The following CLDN2 variants were observed in gnomAD, a reference collection of about 807,000 sequenced individuals.
The protein encoded by CLDN2 is claudin-2.
A neutral mutation model predicts 8.2 loss-of-function variants in CLDN2; 1 was observed. That is an observed-to-expected ratio of 0.12 (90% CI 0.04 to 0.58). CLDN2 has a LOEUF of 0.58. Among genes scored for constraint, CLDN2 ranks in the 20% least tolerant of loss-of-function variants. The pLI, the probability that CLDN2 is intolerant of heterozygous loss-of-function variation, is 0.90. For synonymous variants in CLDN2, 70 were observed against 70.2 expected, an observed-to-expected ratio of 1.00 and a Z score of 0.01; for missense variants, 108 against 172.9, an observed-to-expected ratio of 0.62 and a Z score of 2.11.
chrX:106,921,406 G>T (rs1167878266), intron 1 of CLDN2, among the ~76,000 whole-genome samples: 1 of 112,157 alleles, frequency 8.9e-6, no homozygotes, highest in Admixed American at 9.5e-5. Context: ...GCCCTTGGCA[G>T]CTGGAAGTGA....
At chrX:106,919,687 T>C (rs767599234), upstream of CLDN2, among the ~76,000 whole-genome samples, 60 of 112,311 alleles carry the variant, frequency 5.3e-4, no homozygotes, top group Non-Finnish European at 7.7e-4. Flanking sequence ...TTTAACCGCG[T>C]TGGCCAGGCT....
rs1933539561 is a variant in CLDN2 at position 106,930,596 on chromosome X, T to C, written c.*1675T>C. 8.1e-6 allele frequency: 1 copy of C among 122,748 alleles called. No homozygotes were observed. The highest frequency in any genetic ancestry group is 9.5e-5 in the Admixed American group (1 of 10,530). The allele number at this position is 122,748 out of a possible 1,213,427, so 10.1% of individuals were successfully genotyped here. A position where few individuals can be genotyped will look rare whatever the true frequency, so the allele number is the denominator to read the frequency against. ...TCAGGCTTGGAGAACTTCCTCAGCG[T>C]CACCTCCTTCATTGAGCCTTCTCTG... On this transcript the variant is annotated 3_prime_UTR_variant, in exon 2 of 2. Coordinates refer to ENST00000336803, the MANE Select transcript of CLDN2 (RefSeq NM_020384.4).
At chrX:106,912,613 G>A (rs181256997) in intron 1 of CLDN2, among the ~76,000 whole-genome samples, 2 of 109,353 alleles carry the variant, frequency 1.8e-5, no homozygotes, top group East Asian at 5.8e-4. Flanking sequence ...ACACAGTGTC[G>A]CTATGTTGCC....
intron 1 of CLDN2, among the ~76,000 whole-genome samples, chrX:106,903,801 G>A (rs944639876): frequency 1.8e-5 from 2 of 112,310 alleles, no homozygotes; most frequent in African/African-American, 6.5e-5. Flanking sequence ...TTTGCCAGGT[G>A]GACCTGAATG....
chrX:106,928,240 T>C lies in CLDN2; in HGVS notation c.12T>C (p.Leu4=). The C allele has an allele frequency of 8.3e-7, 1 of 1,209,914 alleles. No individual in the cohort carries two copies. The highest frequency in any genetic ancestry group is 1.8e-5 in the South Asian group (1 of 56,625). ...CTGAGAGGTCTGCCATGGCCTCTCTTGGCCTCCAACTTGTGGGCTACATCC... is the reference window on the plus strand; with the variant it reads ...CTGAGAGGTCTGCCATGGCCTCTCTCGGCCTCCAACTTGTGGGCTACATCC... MAS[L]GLQLVGYILG... The change falls in exon 2 of 2, where the codon CTT becomes CTC. Residue 4 remains leucine, a synonymous_variant. Coordinates refer to ENST00000336803, the MANE Select transcript of CLDN2 (RefSeq NM_020384.4).
At chrX:106,907,763 G>A (rs1424635109) in intron 1 of CLDN2, among the ~76,000 whole-genome samples, 8 of 109,199 alleles carry the variant, frequency 7.3e-5, no homozygotes, top group African/African-American at 9.9e-5. Flanking sequence ...ACTCTCCTTC[G>A]TTCTGAGATT....
At chrX:106,903,275 C>G (rs1433345623) in intron 1 of CLDN2, 1 of 1,203,032 alleles carries the variant, frequency 8.3e-7, no homozygotes, top group Admixed American at 2.2e-5. Flanking sequence ...GCAGCACAGG[C>G]AGCAGAGTCC....
At chrX:106,916,711 A>G (rs1933315568), upstream of CLDN2, among the ~76,000 whole-genome samples, 1 of 111,367 alleles carries the variant, frequency 9.0e-6, no homozygotes, top group Admixed American at 9.5e-5. Flanking sequence ...TCAAAGGGAG[A>G]AGACTGAAGG....
intron 1 of CLDN2, chrX:106,902,282 A>G: frequency 5.3e-6 from 5 of 945,181 alleles, no homozygotes; most frequent in Non-Finnish European, 7.4e-6. Context: ...TGAGATAACA[A>G]GAGACCTCCC....
intron 1 of CLDN2, among the ~76,000 whole-genome samples, chrX:106,921,969 T>G (rs769400047): frequency 5.7e-4 from 64 of 112,490 alleles, no homozygotes; most frequent in African/African-American, 2.0e-3. Context: ...GTCTTCTATA[T>G]TTGTCAAAGT....
upstream of CLDN2, chrX:106,918,291 G>C (rs745684051): frequency 8.9e-6 from 1 of 112,029 alleles, no homozygotes; most frequent in South Asian, 3.8e-4. Context: ...TAGAGGATTA[G>C]CCTGGTATCC....
chrX:106,909,939 A>T (rs1933227149), intron 1 of CLDN2, among the ~76,000 whole-genome samples: 1 of 111,020 alleles, frequency 9.0e-6, no homozygotes, highest in Non-Finnish European at 1.9e-5. Context: ...AAGCCTAGAA[A>T]AACAAAGCTC....
At chrX:106,903,032 C>A in intron 1 of CLDN2, 1 of 932,622 alleles carries the variant, frequency 1.1e-6, no homozygotes, top group African/African-American at 1.9e-5. Flanking sequence ...TTGCTTTTCC[C>A]CTTCACAGAG....
chrX:106,913,503 G>T (rs1414935608), upstream of CLDN2, among the ~76,000 whole-genome samples: 1 of 112,476 alleles, frequency 8.9e-6, no homozygotes, highest in Non-Finnish European at 1.9e-5. Flanking sequence ...TGAAGTTTAG[G>T]TGTAGTTATC....
chrX:106,900,583 GCTAA>G, intron 1 of CLDN2: 2 of 920,466 alleles, frequency 2.2e-6, no homozygotes, highest in Non-Finnish European at 2.9e-6. Flanking sequence ...AATACTTCCG[GCTAA>G]CTGATGTCTG....
At chrX:106,903,510 T>A (rs892545548) in intron 1 of CLDN2, among the ~76,000 whole-genome samples, 6 of 111,611 alleles carry the variant, frequency 5.4e-5, no homozygotes, top group African/African-American at 2.0e-4. Context: ...TGAATAAACA[T>A]GGTGTCAGTG....
At chrX:106,920,684 A>G (rs1388094743) in intron 1 of CLDN2, 133 bp downstream of exon 1, 1 of 111,841 alleles carries the variant, frequency 8.9e-6, no homozygotes, top group East Asian at 2.8e-4. Context: ...AGTGAAGGGT[A>G]TGGGAGGGGA....
At chrX:106,903,930 C>T (rs1206041145) in intron 1 of CLDN2, among the ~76,000 whole-genome samples, 1 of 112,274 alleles carries the variant, frequency 8.9e-6, no homozygotes, top group African/African-American at 3.2e-5. Flanking sequence ...CCCTCAGCCC[C>T]TTACTGATCA....
chrX:106,915,773 C>G (rs1245263932), upstream of CLDN2, among the ~76,000 whole-genome samples: 1 of 110,612 alleles, frequency 9.0e-6, no homozygotes, highest in Non-Finnish European at 1.9e-5. Context: ...CTCCTGCCTC[C>G]CCTCCCAGAA....
Sources: gnomAD v4.1 joint callset for allele counts (sites outside exome capture counted in the v4.1 genomes callset) on GRCh38, gnomAD v4.1.1 for gene constraint, MANE v1.5 for transcripts, NCBI Gene and HGNC (gene_info 2026-07-23, HGNC 2026-07-21) for gene names.